TATDN1: variants seen among roughly 807,000 people sequenced by gnomAD.
The protein encoded by TATDN1 is deoxyribonuclease TATDN1.
TATDN1 carries 40 observed loss-of-function variants against 46.4 expected under a neutral mutation model. The ratio of observed to expected loss-of-function variants is 0.86; its 90% confidence interval spans 0.67 to 1.12. TATDN1 has a LOEUF of 1.12. Ranked by LOEUF, TATDN1 falls within the 50% of genes most tolerant of loss-of-function variation. The pLI, the probability that TATDN1 is intolerant of heterozygous loss-of-function variation, is 0.00. For synonymous variants in TATDN1, 95 were observed against 105.6 expected (o/e 0.90, Z 0.62); for missense variants, 326 against 348.4 (o/e 0.94, Z 0.51).
Position 124,495,374 on chromosome 8 carries a change from A to G in TATDN1, c.664+98T>C, listed in dbSNP as rs1478959137. 1.5e-5 allele frequency: 13 copies of G among 855,110 alleles called. No individual in the cohort carries two copies. The East Asian group carries it at 3.4e-4, about 22-fold the overall frequency. 53.0% of individuals were successfully genotyped at this position (855,110 alleles called of 1,614,324 possible). On this transcript the variant is annotated intron_variant, in intron 10 of 11. Coordinates refer to ENST00000276692, the MANE Select transcript of TATDN1 (RefSeq NM_032026.4). ...GAGGTTGAGCATGCTGTTTTAAAAT[A>G]CTTGTTCACTTAAAGTTTGAAGTCA...
chr8:124,509,584 C>T (rs1380687065), intron 6 of TATDN1, among the ~76,000 whole-genome samples: 1 of 152,166 alleles, frequency 6.6e-6, no homozygotes, highest in African/African-American at 2.4e-5. Context: ...CTTACCTCTT[C>T]TAAGCACTTT....
intron 2 of TATDN1, among the ~76,000 whole-genome samples, chr8:124,522,731 T>C (rs920624964): frequency 3.5e-4 from 54 of 152,160 alleles, no homozygotes; most frequent in African/African-American, 1.3e-3. Flanking sequence ...GAGTTCTTTA[T>C]TATTTCAATT....
At chr8:124,507,030 T>A (rs552418660) in intron 8 of TATDN1, among the ~76,000 whole-genome samples, 65 of 151,944 alleles carry the variant, frequency 4.3e-4, no homozygotes, top group Non-Finnish European at 8.8e-4. Context: ...GACGTGGTGG[T>A]GTGCACCTGT....
At chr8:124,490,765 T>G (rs1223721612) in intron 11 of TATDN1, among the ~76,000 whole-genome samples, 3 of 151,800 alleles carry the variant, frequency 2.0e-5, no homozygotes, top group Non-Finnish European at 2.9e-5. Context: ...TTTTTTTTTT[T>G]TGAGAGAGTC....
chr8:124,528,989 G>C (rs1479736977), intron 1 of TATDN1, among the ~76,000 whole-genome samples: 1 of 152,208 alleles, frequency 6.6e-6, no homozygotes, highest in Non-Finnish European at 1.5e-5. Flanking sequence ...AAGGTTATGG[G>C]ATAAGCCCGT....
chr8:124,528,729 C>T (rs953596350), intron 1 of TATDN1, among the ~76,000 whole-genome samples: 11 of 152,206 alleles, frequency 7.2e-5, no homozygotes, highest in African/African-American at 2.2e-4. Flanking sequence ...GTCCCAGAGG[C>T]GGCAACAGGC....
rs561878237 is a variant in TATDN1 at position 124,508,633 on chromosome 8, G to A, written c.445C>T (p.His149Tyr). The A allele has an allele frequency of 1.4e-5, 22 of 1,600,812 alleles. No homozygotes were observed. In the East Asian group the frequency reaches 4.3e-4, roughly 31 times the overall value. ...AATTCAGCATGTGAGTTTCGACAAT[G>A]AAGAAACATTGGTAATTTTGTTTGT... ...SEQTKLPMFLHCRNSHAEFLD... is the reference protein window; with the variant it reads ...SEQTKLPMFLYCRNSHAEFLD... Residue 149 changes from histidine (H) to tyrosine (Y), a missense_variant, in exon 7 of 12, where the codon CAT becomes TAT. Coordinates refer to ENST00000276692, the MANE Select transcript of TATDN1 (RefSeq NM_032026.4).
At chr8:124,536,315 C>G (rs80345746) in intron 1 of TATDN1, among the ~76,000 whole-genome samples, 99 of 152,154 alleles carry the variant, frequency 6.5e-4, no homozygotes, top group African/African-American at 2.4e-3. Context: ...CTTTGGGAGG[C>G]GGAGGTGGAA....
chr8:124,519,794 G>C (rs1819868999), intron 3 of TATDN1, among the ~76,000 whole-genome samples: 1 of 152,196 alleles, frequency 6.6e-6, no homozygotes, highest in Non-Finnish European at 1.5e-5. Flanking sequence ...ACCCATTAGA[G>C]TCCGCTCAGT....
intron 6 of TATDN1, among the ~76,000 whole-genome samples, chr8:124,510,477 C>T (rs891989635): frequency 1.3e-5 from 2 of 152,092 alleles, no homozygotes; most frequent in African/African-American, 2.4e-5. Flanking sequence ...ATCTAATGGT[C>T]GGATGGAAAA....
intron 1 of TATDN1, among the ~76,000 whole-genome samples, chr8:124,535,267 A>G (rs1036193005): frequency 6.6e-6 from 1 of 152,242 alleles, no homozygotes; most frequent in Non-Finnish European, 1.5e-5. Context: ...ATGGGAGCAG[A>G]GAACACACAC....
At chr8:124,504,904 G>C (rs989949120) in intron 8 of TATDN1, among the ~76,000 whole-genome samples, 1 of 150,370 alleles carries the variant, frequency 6.7e-6, no homozygotes, top group East Asian at 2.0e-4. Context: ...GCGCCACCAC[G>C]CCTGGCTAAT....
chr8:124,539,000 A>G, intron 1 of TATDN1, 25 bp downstream of exon 1: 1 of 1,608,630 alleles, frequency 6.2e-7, no homozygotes, highest in Non-Finnish European at 8.5e-7. Flanking sequence ...GAAAGACCCA[A>G]GGGCGTGGAA....
intron 8 of TATDN1, among the ~76,000 whole-genome samples, chr8:124,507,718 C>G (rs867386996): frequency 6.3e-4 from 95 of 150,288 alleles, no homozygotes; most frequent in African/African-American, 2.1e-3. Flanking sequence ...GCAGAGGTTG[C>G]AGTGAGCTGA....
At chr8:124,498,942 G>A (rs1459929104) in intron 9 of TATDN1, among the ~76,000 whole-genome samples, 6 of 149,634 alleles carry the variant, frequency 4.0e-5, no homozygotes, top group South Asian at 2.1e-4. Context: ...GAGCCACTGC[G>A]CCTGGCCTCT....
intron 6 of TATDN1, among the ~76,000 whole-genome samples, chr8:124,515,069 C>G (rs184183282): frequency 2.0e-5 from 3 of 152,134 alleles, no homozygotes; most frequent in African/African-American, 7.2e-5. Context: ...CGACTACAGA[C>G]GCAGGCTGCT....
At chr8:124,501,475 C>T (rs1475212753) in intron 9 of TATDN1, among the ~76,000 whole-genome samples, 1 of 151,618 alleles carries the variant, frequency 6.6e-6, no homozygotes, top group Admixed American at 6.6e-5. Flanking sequence ...AAGTTTCCAT[C>T]ATCACAGAGA....
intron 9 of TATDN1, among the ~76,000 whole-genome samples, chr8:124,503,285 G>A (rs1818133113): frequency 6.6e-6 from 1 of 152,082 alleles, no homozygotes; most frequent in South Asian, 2.1e-4. Flanking sequence ...AATAGTATAT[G>A]GATATTATTT....
intron 8 of TATDN1, among the ~76,000 whole-genome samples, chr8:124,506,357 GA>G (rs1818430546): frequency 1.6e-5 from 2 of 121,528 alleles, no homozygotes; most frequent in African/African-American, 6.7e-5. Context: ...AAAAAAAAAA[GA>G]AAAAGAAAAA....
Sources: allele counts gnomAD v4.1 joint callset (sites outside exome capture counted in the v4.1 genomes callset), GRCh38; gene constraint gnomAD v4.1.1; transcripts MANE v1.5; gene names NCBI Gene and HGNC (gene_info 2026-07-23, HGNC 2026-07-21).